Variants in BCKDHA observed in about 807,000 individuals in gnomAD.
BCKDHA encodes the protein 2-oxoisovalerate dehydrogenase subunit alpha, mitochondrial.
A neutral mutation model predicts 52.2 loss-of-function variants in BCKDHA; 43 were observed. The observed-to-expected ratio is 0.82, with a 90% CI of 0.64 to 1.06. BCKDHA has a LOEUF of 1.06. Among genes scored for constraint, BCKDHA ranks in the 50% least tolerant of loss-of-function variants. The probability of loss-of-function intolerance (pLI) is 0.00; values close to 1 mark genes in which losing one functional copy is unlikely to be tolerated. For synonymous variants in BCKDHA, 234 were observed against 247.9 expected, an observed-to-expected ratio of 0.94 and a Z score of 0.53; for missense variants, 527 against 621.3, an observed-to-expected ratio of 0.85 and a Z score of 1.61.
In BCKDHA at chr19:41,420,305, G is replaced by A. The variant is rs545034983; in HGVS notation, c.646+1009G>A. 3.3e-3 allele frequency among the ~76,000 whole-genome samples: 498 copies of A among 152,270 alleles called. 7 individuals are homozygous for A. The highest frequency in any genetic ancestry group is 0.011 in the African/African-American group (465 of 41,546). On this transcript the variant is annotated intron_variant, in intron 5 of 8. Coordinates refer to ENST00000269980, the MANE Select transcript of BCKDHA (RefSeq NM_000709.4). Reference sequence around the variant, plus strand: ...CCTCATTGTGGCCATGGGGACAGAGGTTATTATTTGCTCTTGTTCCTGTTT... The same window carrying A: ...CCTCATTGTGGCCATGGGGACAGAGATTATTATTTGCTCTTGTTCCTGTTT...
At chr19:41,420,772 G>C (rs1039284708) in intron 5 of BCKDHA, among the ~76,000 whole-genome samples, 5 of 152,188 alleles carry the variant, frequency 3.3e-5, no homozygotes, top group Non-Finnish European at 1.5e-5. Flanking sequence ...AAAGCTTACC[G>C]TAGGTGCCCT....
At chr19:41,416,493 C>A (rs558318335) in intron 4 of BCKDHA, among the ~76,000 whole-genome samples, 1 of 152,192 alleles carries the variant, frequency 6.6e-6, no homozygotes, top group Non-Finnish European at 1.5e-5. Context: ...GGAGTGGAGC[C>A]GAGTCTTTTT....
chr19:41,411,735 A>T (rs1483851789), intron 3 of BCKDHA, among the ~76,000 whole-genome samples: 2 of 152,130 alleles, frequency 1.3e-5, no homozygotes, highest in Non-Finnish European at 2.9e-5. Context: ...CTGTTAACAG[A>T]GGAGGGGAAT....
At chr19:41,420,459 C>T (rs1270786653) in intron 5 of BCKDHA, among the ~76,000 whole-genome samples, 1 of 152,088 alleles carries the variant, frequency 6.6e-6, no homozygotes, top group East Asian at 1.9e-4. Context: ...ATTAGCTTGG[C>T]ATGGTGGTGC....
chr19:41,403,030 G>A (rs149414493), intron 1 of BCKDHA, among the ~76,000 whole-genome samples: 1 of 152,242 alleles, frequency 6.6e-6, no homozygotes, highest in Non-Finnish European at 1.5e-5. Context: ...CTCCCACCTG[G>A]TGGCCTTTGT....
In BCKDHA at chr19:41,424,751, C is replaced by CCGAGA; in HGVS notation, c.*143_*144insCGAGA. On this transcript the variant is annotated 3_prime_UTR_variant, in exon 9 of 9. Transcript: ENST00000269980. ...TACTCAGCGGCCAGGGCGGCTGCCA[C>CCGAGA]TCTTCACCCCTGCTCCTCCCGGCTG... 1.1e-6 allele frequency: 1 copy of CCGAGA among 871,432 alleles called. No individual in the cohort carries two copies. The highest frequency in any genetic ancestry group is 1.7e-5 in the African/African-American group (1 of 58,806). 54.0% of individuals were successfully genotyped at this position (871,432 alleles called of 1,614,324 possible).
chr19:41,418,636 A>G (rs756815198), intron 4 of BCKDHA: 24 of 401,272 alleles, frequency 6.0e-5, no homozygotes, highest in Admixed American at 1.5e-4. Context: ...GGCTGAAGCA[A>G]TCCTCTGCCT....
rs778460909 is a variant in BCKDHA, at chr19:41,422,780, G to A, written c.995+10G>A. 35 of 1,612,530 alleles carry A rather than the reference G, an allele frequency of 2.2e-5. No individual in the cohort carries two copies. Among genetic ancestry groups the A allele is most frequent in the Middle Eastern group, 3.3e-4 (2 of 6,082 alleles). On this transcript the variant is annotated intron_variant, in intron 7 of 8. Coordinates refer to ENST00000269980, the MANE Select transcript of BCKDHA (RefSeq NM_000709.4). ...AGGCCATGACCTACAGGTGCCTGCCGCTCCCCCCGTCAGCACCCCCACAGC... is the reference window on the plus strand; with the variant it reads ...AGGCCATGACCTACAGGTGCCTGCCACTCCCCCCGTCAGCACCCCCACAGC...
In BCKDHA at chr19:41,424,749, C is replaced by G; in HGVS notation, c.*141C>G. On this transcript the variant is annotated 3_prime_UTR_variant, in exon 9 of 9. Coordinates refer to ENST00000269980, the MANE Select transcript of BCKDHA (RefSeq NM_000709.4). The stretch of plus-strand genomic sequence containing the variant: ...AATACTCAGCGGCCAGGGCGGCTGC[C>G]ACTCTTCACCCCTGCTCCTCCCGGC... 1 of 897,472 alleles carries G rather than the reference C, an allele frequency of 1.1e-6. No individual in the cohort carries two copies. The highest frequency in any genetic ancestry group is 1.6e-6 in the Non-Finnish European group (1 of 608,192). The allele number at this position is 897,472 out of a possible 1,614,324, so 55.6% of individuals were successfully genotyped here. A position where few individuals can be genotyped will look rare whatever the true frequency, so the allele number is the denominator to read the frequency against.
At chr19:41,424,293 C>A in intron 8 of BCKDHA, 145 bp from the exon 9 acceptor site, 1 of 914,520 alleles carries the variant, frequency 1.1e-6, no homozygotes. Context: ...GTTTTCATTA[C>A]ACTTCTGCTA....
intron 4 of BCKDHA, among the ~76,000 whole-genome samples, chr19:41,417,835 GA>G (rs942639638): frequency 6.6e-6 from 1 of 151,920 alleles, no homozygotes; most frequent in Non-Finnish European, 1.5e-5. Flanking sequence ...TGAGGCAGGA[GA>G]ATCGCTTGAA....
rs371343548 is a variant in BCKDHA at position 41,422,360 on chromosome 19, C to T, written c.843C>T (p.Gly281=). The change falls in exon 6 of 9, where the codon GGC becomes GGT. Residue 281 remains glycine, a synonymous_variant. Transcript: ENST00000269980. ...ISTPTSEQYR[G]DGIAARGPGY... Reference sequence around the variant, plus strand: ...CGCCCACCTCTGAGCAGTATCGCGGCGATGGCATTGGTATGGGCTCTGCTG... The same window carrying T: ...CGCCCACCTCTGAGCAGTATCGCGGTGATGGCATTGGTATGGGCTCTGCTG... 5.3e-5 allele frequency: 85 copies of T among 1,614,188 alleles called. 1 individual carries two copies. In the African/African-American group the frequency reaches 6.4e-4, roughly 12 times the overall value.
At chr19:41,400,061 G>T (rs909186061) in intron 1 of BCKDHA, among the ~76,000 whole-genome samples, 2 of 151,578 alleles carry the variant, frequency 1.3e-5, no homozygotes, top group African/African-American at 2.4e-5. Flanking sequence ...GAGCCACTGC[G>T]CCTAGCCTTT....
chr19:41,404,160 A>G (rs574966740), intron 1 of BCKDHA, among the ~76,000 whole-genome samples: 3 of 150,292 alleles, frequency 2.0e-5, no homozygotes, highest in Admixed American at 6.7e-5. Context: ...TTGTGTCTTT[A>G]GTAGAGATGG....
chr19:41,406,710 C>T (rs962170830), intron 1 of BCKDHA, among the ~76,000 whole-genome samples: 1 of 152,140 alleles, frequency 6.6e-6, no homozygotes, highest in African/African-American at 2.4e-5. Flanking sequence ...GCTGGGATTA[C>T]AGGCACCTAC....
intron 3 of BCKDHA, among the ~76,000 whole-genome samples, chr19:41,413,087 G>A (rs1162360753): frequency 6.6e-6 from 1 of 152,184 alleles, no homozygotes; most frequent in Non-Finnish European, 1.5e-5. Context: ...CTGCTTCACT[G>A]TTGTTGGTGA....
In BCKDHA at chr19:41,419,746, C is replaced by CTTTTTT. The variant is rs201343587; in HGVS notation, c.646+478_646+483dup. On this transcript the variant is annotated intron_variant, in intron 5 of 8. Transcript: ENST00000269980. ...CGTTTAAGCCATTGTGCCCAGCCCA[C>CTTTTTT]TTTTTTTTTTTTTTTTTTTTTTTTT... 3.9e-5 allele frequency among the ~76,000 whole-genome samples: 5 copies of CTTTTTT among 127,952 alleles called. 1 individual carries two copies. Among genetic ancestry groups the CTTTTTT allele is most frequent in the Non-Finnish European group, 8.7e-5 (5 of 57,380 alleles). The allele number at this position is 127,952 out of a possible 152,430, so 83.9% of individuals were successfully genotyped here.
At position 41,422,782 on chromosome 19, in the gene BCKDHA, T is replaced by TC. The variant is rs753093318; in HGVS notation, c.995+18dup. 4.3e-6 allele frequency: 7 copies of TC among 1,611,832 alleles called. No homozygotes were observed. The highest frequency in any genetic ancestry group is 5.9e-6 in the Non-Finnish European group (7 of 1,179,862). ...GCCATGACCTACAGGTGCCTGCCGCTCCCCCCGTCAGCACCCCCACAGCAC... is the reference window on the plus strand; with the variant it reads ...GCCATGACCTACAGGTGCCTGCCGCTCCCCCCCGTCAGCACCCCCACAGCAC... On this transcript the variant is annotated intron_variant, in intron 7 of 8. Transcript: ENST00000269980.
At chr19:41,414,299 C>A in intron 4 of BCKDHA, 142 bp downstream of exon 4, 1 of 880,906 alleles carries the variant, frequency 1.1e-6, no homozygotes, top group Non-Finnish European at 1.8e-6. Context: ...AAGAGACAAG[C>A]CAGGGTTAGG....
Sources: gnomAD v4.1 joint callset for allele counts (sites outside exome capture counted in the v4.1 genomes callset) on GRCh38, gnomAD v4.1.1 for gene constraint, MANE v1.5 for transcripts, NCBI Gene and HGNC (gene_info 2026-07-23, HGNC 2026-07-21) for gene names.